The following TBC1D32 variants were observed in gnomAD, a reference collection of about 807,000 sequenced individuals.
The protein encoded by TBC1D32 is TBC1 domain family member 32.
A neutral mutation model predicts 170.3 loss-of-function variants in TBC1D32; 151 were observed. The observed-to-expected ratio is 0.89, with a 90% CI of 0.78 to 1.01. The LOEUF is 1.01. Ranked by LOEUF, TBC1D32 falls within the 50% of genes least tolerant of loss-of-function variation. The pLI, the probability that TBC1D32 is intolerant of heterozygous loss-of-function variation, is 0.00. For synonymous variants in TBC1D32, 498 were observed against 488.0 expected, an observed-to-expected ratio of 1.02 and a Z score of -0.27; for missense variants, 1,464 against 1,457.1, an observed-to-expected ratio of 1.00 and a Z score of -0.08.
intron 20 of TBC1D32, among the ~76,000 whole-genome samples, chr6:121,226,989 GGAA>G (rs1419907827): frequency 8.1e-5 from 12 of 148,642 alleles, no homozygotes; most frequent in Admixed American, 3.3e-4. Context: ...GGGCCACATT[GGAA>G]GAAGAAGAAT....
chr6:121,266,077 T>C lies in TBC1D32; in HGVS notation c.1734-9792A>G, dbSNP rs1049738484. ...CAAAAGCTAAAACTGATAAATAAGA[T>C]CTAATTAAACTAAAGAGCTTCTGCA... On this transcript the variant is annotated intron_variant, in intron 15 of 31. Coordinates refer to ENST00000398212, the MANE Select transcript of TBC1D32 (RefSeq NM_152730.6). Among the ~76,000 whole-genome samples the C allele has an allele frequency of 4.6e-5, 7 of 152,094 alleles. No individual in the cohort carries two copies. The East Asian group carries it at 1.2e-3, about 25-fold the overall frequency.
chr6:121,136,184 A>G (rs369461992), intron 24 of TBC1D32, among the ~76,000 whole-genome samples: 1 of 152,206 alleles, frequency 6.6e-6, no homozygotes, highest in Admixed American at 6.5e-5. Context: ...ACAAACCAAA[A>G]GTAGATGTTT....
chr6:121,083,429 T>C (rs1775852917), intron 31 of TBC1D32, among the ~76,000 whole-genome samples: 1 of 152,114 alleles, frequency 6.6e-6, no homozygotes, highest in South Asian at 2.1e-4. Context: ...CCTTCATTAA[T>C]TCTGAGTTTC....
At chr6:121,093,345 T>G (rs538998897) in intron 30 of TBC1D32, among the ~76,000 whole-genome samples, 1 of 152,262 alleles carries the variant, frequency 6.6e-6, no homozygotes, top group Middle Eastern at 3.4e-3. Context: ...CAGTAGTACT[T>G]TGACTAGAAG....
chr6:121,159,754 T>G (rs1398402444), intron 24 of TBC1D32, among the ~76,000 whole-genome samples: 2 of 152,146 alleles, frequency 1.3e-5, no homozygotes, highest in Non-Finnish European at 2.9e-5. Context: ...AAAGGTACAG[T>G]AAAAATGTGG....
At position 121,094,704 on chromosome 6, in the gene TBC1D32, C is replaced by G. The variant is rs558379435; in HGVS notation, c.3466-3663G>C. On this transcript the variant is annotated intron_variant, in intron 30 of 31. Coordinates refer to ENST00000398212, the MANE Select transcript of TBC1D32 (RefSeq NM_152730.6). ...TTCTCCTATAGGTTCCCCTCCTTTC[C>G]TCCATCCCTTTCTCCTACTAAAGAT... Among the ~76,000 whole-genome samples the G allele has an allele frequency of 1.4e-3, 215 of 152,136 alleles. 1 individual carries two copies. The highest frequency in any genetic ancestry group is 2.4e-3 in the Non-Finnish European group (163 of 67,992).
chr6:121,233,398 A>G (rs1441164425), intron 20 of TBC1D32, among the ~76,000 whole-genome samples: 2 of 152,018 alleles, frequency 1.3e-5, no homozygotes, highest in Non-Finnish European at 1.5e-5. Flanking sequence ...TCCAGTGCTA[A>G]GTGCTTATAT....
chr6:121,125,048 T>G (rs1039655921), intron 26 of TBC1D32, among the ~76,000 whole-genome samples: 2 of 152,200 alleles, frequency 1.3e-5, no homozygotes, highest in African/African-American at 4.8e-5. Context: ...TTTGTCCATT[T>G]GGTGAGGTCG....
At chr6:121,090,003 G>C (rs1303125642) in intron 31 of TBC1D32, among the ~76,000 whole-genome samples, 2 of 150,946 alleles carry the variant, frequency 1.3e-5, no homozygotes, top group South Asian at 4.2e-4. Flanking sequence ...GTGCGATCTC[G>C]GCTCATGCAA....
At chr6:121,101,939 C>T (rs908896173) in intron 30 of TBC1D32, among the ~76,000 whole-genome samples, 14 of 152,120 alleles carry the variant, frequency 9.2e-5, no homozygotes, top group Admixed American at 3.9e-4. Flanking sequence ...TCTTATACAC[C>T]GATAACAGAC....
At chr6:121,122,678 A>G (rs1699139659) in intron 26 of TBC1D32, among the ~76,000 whole-genome samples, 2 of 152,070 alleles carry the variant, frequency 1.3e-5, no homozygotes, top group South Asian at 4.1e-4. Flanking sequence ...CTCATTTATC[A>G]TTACACCTTT....
At chr6:121,222,361 A>C (rs560338936) in intron 21 of TBC1D32, among the ~76,000 whole-genome samples, 1 of 152,202 alleles carries the variant, frequency 6.6e-6, no homozygotes, top group African/African-American at 2.4e-5. Context: ...GTACTTAAGA[A>C]GTGCCAACAT....
chr6:121,152,276 G>A (rs1784321009), intron 24 of TBC1D32, among the ~76,000 whole-genome samples: 1 of 152,110 alleles, frequency 6.6e-6, no homozygotes. Context: ...GTTTAGCTGG[G>A]TATGAAATTC....
intron 31 of TBC1D32, among the ~76,000 whole-genome samples, chr6:121,088,171 T>C (rs958159646): frequency 1.3e-5 from 2 of 151,996 alleles, no homozygotes; most frequent in Non-Finnish European, 2.9e-5. Flanking sequence ...CCCAGGCTGG[T>C]CTCAAACCCC....
intron 17 of TBC1D32, among the ~76,000 whole-genome samples, chr6:121,246,673 T>C (rs1797661067): frequency 6.6e-6 from 1 of 150,974 alleles, no homozygotes; most frequent in Non-Finnish European, 1.5e-5. Context: ...TCCAGAGAAA[T>C]AGATATAATA....
At chr6:121,188,634 A>G (rs188505517) in intron 22 of TBC1D32, among the ~76,000 whole-genome samples, 25 of 152,272 alleles carry the variant, frequency 1.6e-4, no homozygotes, top group African/African-American at 2.6e-4. Flanking sequence ...CCCAACAAAA[A>G]CAAAACAAAA....
Position 121,084,760 on chromosome 6 carries a change from C to T in TBC1D32, c.3655-3870G>A, listed in dbSNP as rs1172034663. The stretch of plus-strand genomic sequence containing the variant: ...TTAAAATCTGAATTGAAGATAAGGC[C>T]TTTTGCAGTAGTAAACAGATAAAAA... On this transcript the variant is annotated intron_variant, in intron 31 of 31. Transcript: ENST00000398212. Among the ~76,000 whole-genome samples, 8 of 152,098 alleles carry T rather than the reference C, an allele frequency of 5.3e-5. No individual in the cohort carries two copies. The South Asian group carries it at 1.7e-3, about 32-fold the overall frequency.
intron 12 of TBC1D32, among the ~76,000 whole-genome samples, chr6:121,287,503 A>G (rs980349030): frequency 6.6e-6 from 1 of 152,024 alleles, no homozygotes; most frequent in African/African-American, 2.4e-5. Context: ...ATTCATAAAG[A>G]AAGTCCTTAG....
rs1200961470 is a variant in TBC1D32, at chr6:121,112,938, T to TA, written c.3169+123dup. ...AATAAAATACTGTAAGAATATATCATAACAAATCACTAATATAGCTTAAAG... is the reference window on the plus strand; with the variant it reads ...AATAAAATACTGTAAGAATATATCATAAACAAATCACTAATATAGCTTAAAG... On this transcript the variant is annotated intron_variant, in intron 28 of 31. Transcript: ENST00000398212. The TA allele has an allele frequency of 4.1e-6, 3 of 728,670 alleles. No homozygotes were observed. In the East Asian group the frequency reaches 8.5e-5, roughly 21 times the overall value. 45.1% of individuals were successfully genotyped at this position (728,670 alleles called of 1,614,324 possible). A position where few individuals can be genotyped will look rare whatever the true frequency, so the allele number is the denominator to read the frequency against.
Sources: allele counts gnomAD v4.1 joint callset (sites outside exome capture counted in the v4.1 genomes callset), GRCh38; gene constraint gnomAD v4.1.1; transcripts MANE v1.5; gene names NCBI Gene and HGNC (gene_info 2026-07-23, HGNC 2026-07-21).